PARP10: variants seen among roughly 807,000 people sequenced by gnomAD.
PARP10 encodes the protein protein mono-ADP-ribosyltransferase PARP10.
In PARP10, 56 loss-of-function variants were observed where a neutral mutation model predicts 82.4. That is an observed-to-expected ratio of 0.68 (90% CI 0.55 to 0.85). PARP10 has a LOEUF of 0.85. Among genes scored for constraint, PARP10 ranks in the 40% least tolerant of loss-of-function variants. PARP10 has a pLI of 0.00. For missense variants in PARP10, 1,227 were observed against 1,379.4 expected, an observed-to-expected ratio of 0.89 and a Z score of 1.75; for synonymous variants, 576 against 601.1, an observed-to-expected ratio of 0.96 and a Z score of 0.61.
rs1308772281 is a variant in PARP10, at chr8:144,011,048, G to GT, written c.-80+1481dup. Among the ~76,000 whole-genome samples the GT allele has an allele frequency of 1.3e-5, 2 of 151,596 alleles. No homozygotes were observed. The highest frequency in any genetic ancestry group is 4.8e-5 in the African/African-American group (2 of 41,268). ...CACGTCTATTAGACGTCTAATAGAC[G>GT]TGATTAATAGCTACAAGTATATAAT... On this transcript the variant is annotated intron_variant, in intron 1 of 3. Coordinates refer to the PARP10 transcript ENST00000530478. The surrounding 1 kb of genome is among the most constrained non-coding windows in gnomAD (Gnocchi z 4.5).
Position 143,977,311 on chromosome 8 carries a change from G to GC in PARP10, c.*172dup. 2 of 713,378 alleles carry GC rather than the reference G, an allele frequency of 2.8e-6. No homozygotes were observed. The highest frequency in any genetic ancestry group is 2.8e-5 in the East Asian group (1 of 35,928). The allele number at this position is 713,378 out of a possible 1,614,324, so 44.2% of individuals were successfully genotyped here. On this transcript the variant is annotated 3_prime_UTR_variant, in exon 11 of 11. Coordinates refer to ENST00000313028, the MANE Select transcript of PARP10 (RefSeq NM_032789.5). Reference sequence around the variant, plus strand: ...TCGGCCCAGGCTGGGACCTAGCCCGGCCCCCCTCGGCCGCTGCTGACCGCC... The same window carrying GC: ...TCGGCCCAGGCTGGGACCTAGCCCGGCCCCCCCTCGGCCGCTGCTGACCGCC...
At chr8:143,988,649 T>C (rs1834041507), upstream of PARP10, among the ~76,000 whole-genome samples, 3 of 151,352 alleles carry the variant, frequency 2.0e-5, no homozygotes. Flanking sequence ...TTTGTATTTT[T>C]AGTAGAGACG....
At chr8:143,998,161 G>A (rs1216929422) in intron 1 of PARP10, among the ~76,000 whole-genome samples, 1 of 152,130 alleles carries the variant, frequency 6.6e-6, no homozygotes, top group African/African-American at 2.4e-5. Flanking sequence ...AATGTAAAGA[G>A]AGACCCCTCA....
In PARP10 at chr8:143,978,093, G is replaced by A. The variant is rs781838397; in HGVS notation, c.2557-12C>T. ...GACACGCGCTCCACCTGCGGGGAAG[G>A]CCCGGGCCAGGATTAAACACCCTCC... On this transcript the variant is annotated splice_polypyrimidine_tract_variant and intron_variant, in intron 9 of 10. Coordinates refer to ENST00000313028, the MANE Select transcript of PARP10 (RefSeq NM_032789.5). 1.3e-6 allele frequency: 2 copies of A among 1,496,720 alleles called. No individual in the cohort carries two copies. The highest frequency in any genetic ancestry group is 4.1e-5 in the Admixed American group (2 of 48,628). 92.7% of individuals were successfully genotyped at this position (1,496,720 alleles called of 1,614,324 possible).
At chr8:143,992,142 C>A (rs781986924), upstream of PARP10, 1 of 1,602,286 alleles carries the variant, frequency 6.2e-7, no homozygotes, top group South Asian at 1.1e-5. Context: ...GCCCACTCTT[C>A]CGGGCCTGGT....
At chr8:143,991,809 G>GT (rs782535327), upstream of PARP10, 2 of 1,611,018 alleles carry the variant, frequency 1.2e-6, no homozygotes, top group Non-Finnish European at 1.7e-6. Flanking sequence ...CGCAAGGTGG[G>GT]TAGGGGCATC....
chr8:143,977,835 A>G lies in PARP10; in HGVS notation c.2732-5T>C. ...CGCCCTTCCCGTAGACCGTGGCTGC[A>G]GGGCGAGACGGGGCAAGGTCAGGGT... On this transcript the variant is annotated splice_region_variant and splice_polypyrimidine_tract_variant and intron_variant, in intron 10 of 10. Coordinates refer to ENST00000313028, the MANE Select transcript of PARP10 (RefSeq NM_032789.5). The G allele has an allele frequency of 6.3e-7, 1 of 1,597,498 alleles. No homozygotes were observed. The highest frequency in any genetic ancestry group is 1.1e-5 in the South Asian group (1 of 89,746).
rs1317071667 is a variant in PARP10, at chr8:144,001,036, C to G, written c.-80+11494G>C. Among the ~76,000 whole-genome samples, 4 of 151,094 alleles carry G rather than the reference C, an allele frequency of 2.6e-5. No individual in the cohort carries two copies. The East Asian group carries it at 7.9e-4, about 30-fold the overall frequency. On this transcript the variant is annotated intron_variant, in intron 1 of 3. Coordinates refer to the PARP10 transcript ENST00000530478. ...TCACACCATTCTCTTGCCTCAGCCT[C>G]TCGAGTAGCTGGGACTACAGGCGCC...
At chr8:143,991,412 C>T (rs7814596), upstream of PARP10, 2 of 1,309,898 alleles carry the variant, frequency 1.5e-6, no homozygotes, top group Middle Eastern at 2.5e-4. Context: ...GCCCCAGCCC[C>T]TACCCCCAAG....
upstream of PARP10, chr8:143,992,096 G>C: frequency 6.2e-7 from 1 of 1,612,384 alleles, no homozygotes; most frequent in Non-Finnish European, 8.5e-7. Context: ...CCAAACCTGA[G>C]CCTCTGTGCC....
upstream of PARP10, among the ~76,000 whole-genome samples, chr8:143,988,586 C>A (rs568841706): frequency 1.3e-4 from 19 of 151,930 alleles, no homozygotes; most frequent in Middle Eastern, 3.4e-3. Context: ...CTGCCTCAGC[C>A]CCCCCAATAG....
chr8:143,979,001 CT>C (rs1331162536), intron 9 of PARP10, among the ~76,000 whole-genome samples: 48 of 148,014 alleles, frequency 3.2e-4, no homozygotes, highest in Non-Finnish European at 6.5e-4. Flanking sequence ...GAGAGGGAGT[CT>C]GGCTGTGTCG....
At chr8:143,992,909 G>A (rs770966708), upstream of PARP10, 4 of 1,389,246 alleles carry the variant, frequency 2.9e-6, no homozygotes, top group African/African-American at 1.4e-5. Flanking sequence ...TGGCACGGCA[G>A]TGCCAGCTGT....
rs545482823 is a variant in PARP10 at position 143,978,787 on chromosome 8, T to A, written c.2557-706A>T. ...AGGGGGCCTGAGGTCTGAGCCGGCA[T>A]AGCAGGAGCTCCACCGGCCGGAGCT... On this transcript the variant is annotated intron_variant, in intron 9 of 10. Transcript: ENST00000313028. Among the ~76,000 whole-genome samples, 4 of 152,048 alleles carry A rather than the reference T, an allele frequency of 2.6e-5. No homozygotes were observed. The South Asian group carries it at 6.2e-4, about 24-fold the overall frequency.
chr8:143,996,118 G>A (rs1834163329), upstream of PARP10, among the ~76,000 whole-genome samples: 1 of 152,140 alleles, frequency 6.6e-6, no homozygotes, highest in Admixed American at 6.5e-5. Flanking sequence ...ACGCCCCAGG[G>A]TGTGGACGCT....
At chr8:143,982,745 T>A (rs1833891570) in intron 9 of PARP10, among the ~76,000 whole-genome samples, 187 bp downstream of exon 9, 1 of 152,198 alleles carries the variant, frequency 6.6e-6, no homozygotes, top group Admixed American at 6.5e-5. Flanking sequence ...GCCCCCACTC[T>A]GTTCCCTCCT....
At chr8:143,991,084 C>T (rs545923337), upstream of PARP10, 56 of 601,492 alleles carry the variant, frequency 9.3e-5, 1 homozygote, top group South Asian at 1.2e-3. Flanking sequence ...GGGCAAAGGT[C>T]ACGGTCTTCC....
At chr8:143,993,279 T>G, upstream of PARP10, 1 of 202,720 alleles carries the variant, frequency 4.9e-6, no homozygotes. Flanking sequence ...TGCTGCCCTC[T>G]GGGGACATGC....
chr8:143,978,746 T>C (rs547357666), intron 9 of PARP10, among the ~76,000 whole-genome samples: 1 of 151,956 alleles, frequency 6.6e-6, no homozygotes, highest in East Asian at 1.9e-4. Context: ...AGAAAGGAAC[T>C]CCGAGGGAGC....
Sources: gnomAD v4.1 joint callset for allele counts (sites outside exome capture counted in the v4.1 genomes callset) on GRCh38, gnomAD v4.1.1 for gene constraint, Gnocchi (gnomAD v3.1) non-coding constraint, MANE v1.5 for transcripts, NCBI Gene and HGNC (gene_info 2026-07-23, HGNC 2026-07-21) for gene names.